The following GREB1L variants were observed in gnomAD, a reference collection of about 807,000 sequenced individuals.
GREB1L encodes the protein GREB1 like retinoic acid receptor coactivator.
In GREB1L, 17 loss-of-function variants were observed where a neutral mutation model predicts 200.8. The observed-to-expected ratio is 0.08, with a 90% CI of 0.06 to 0.13. The LOEUF is 0.13. Among genes scored for constraint, GREB1L ranks in the 10% least tolerant of loss-of-function variants. The pLI is 1.00. For synonymous variants in GREB1L, 789 were observed against 893.0 expected (o/e 0.88, Z 2.08); for missense variants, 1,657 against 2,367.7 (o/e 0.70, Z 6.23).
intron 1 of GREB1L, among the ~76,000 whole-genome samples, chr18:21,269,823 TAGTC>T (rs1471622566): frequency 2.0e-5 from 3 of 152,218 alleles, no homozygotes; most frequent in Non-Finnish European, 4.4e-5. Context: ...ATCAATTAAT[TAGTC>T]AGCATACTTG....
intron 32 of GREB1L, among the ~76,000 whole-genome samples, chr18:21,521,166 C>T (rs1291879645): frequency 1.3e-5 from 2 of 151,918 alleles, no homozygotes; most frequent in African/African-American, 4.8e-5. Flanking sequence ...CACTGCACTC[C>T]AGCCTGGGCA....
At chr18:21,384,716 G>A (rs2144084760) in intron 4 of GREB1L, among the ~76,000 whole-genome samples, 1 of 152,156 alleles carries the variant, frequency 6.6e-6, no homozygotes, top group South Asian at 2.1e-4. Context: ...AGTATTCCAA[G>A]TACTTTCTGC....
Position 21,520,805 on chromosome 18 carries a change from A to C in GREB1L, c.5590A>C (p.Lys1864Gln), listed in dbSNP as rs1281780486. 2 of 1,540,690 alleles carry C rather than the reference A, an allele frequency of 1.3e-6. No individual in the cohort carries two copies. The highest frequency in any genetic ancestry group is 1.8e-6 in the Non-Finnish European group (2 of 1,142,378). ...CTCTTTTGTAGGTGCTGATCTTAAG[A>C]AATTTAAATTTCTAAAAGGTAAGTC... ...CDSFVGADLK[K>Q]FKFLKGATLC... Residue 1864 changes from lysine to glutamine, a missense_variant, in exon 32 of 33, where the codon AAA becomes CAA. Lys to Gln is a moderately conservative substitution (Grantham distance 53). Coordinates refer to ENST00000424526, the MANE Select transcript of GREB1L (RefSeq NM_001142966.3).
intron 1 of GREB1L, among the ~76,000 whole-genome samples, chr18:21,358,354 A>AGAGTG: frequency 6.6e-6 from 1 of 152,242 alleles, no homozygotes; most frequent in Non-Finnish European, 1.5e-5. Flanking sequence ...CACCCAGGCT[A>AGAGTG]GAGTGGAGTG....
Position 21,311,082 on chromosome 18 carries a change from T to A in GREB1L, c.-119-54945T>A, listed in dbSNP as rs181253674. Among the ~76,000 whole-genome samples the A allele has an allele frequency of 3.3e-5, 5 of 152,296 alleles. No individual in the cohort carries two copies. In the East Asian group the frequency reaches 9.6e-4, roughly 29 times the overall value. On this transcript the variant is annotated intron_variant, in intron 1 of 32. Transcript: ENST00000424526. ...CAGGAGTGATGGAGGGTGAGGAAGTTGAGATAAACTACTTTAACACTTGGT... is the reference window on the plus strand; with the variant it reads ...CAGGAGTGATGGAGGGTGAGGAAGTAGAGATAAACTACTTTAACACTTGGT...
rs539003983 is a variant in GREB1L, at chr18:21,315,481, A to G, written c.-119-50546A>G. Among the ~76,000 whole-genome samples the G allele has an allele frequency of 2.5e-4, 38 of 152,338 alleles. 3 individuals are homozygous for G. In the South Asian group the frequency reaches 7.0e-3, roughly 28 times the overall value. On this transcript the variant is annotated intron_variant, in intron 1 of 32. Transcript: ENST00000424526. The stretch of plus-strand genomic sequence containing the variant: ...TGTCATAAGAAATAATCAGCAATAA[A>G]GGCAAATATTTATGTACAGATGTTC...
chr18:21,328,047 TAG>T (rs1567938538), intron 1 of GREB1L, among the ~76,000 whole-genome samples: 1 of 152,176 alleles, frequency 6.6e-6, no homozygotes, highest in Non-Finnish European at 1.5e-5. Context: ...CTCCACTCTC[TAG>T]CCTAACTTCA....
At chr18:21,261,107 A>G (rs567390823) in intron 1 of GREB1L, among the ~76,000 whole-genome samples, 2 of 152,136 alleles carry the variant, frequency 1.3e-5, no homozygotes, top group Admixed American at 1.3e-4. Flanking sequence ...GCTTGCTAAC[A>G]TTAGCAGAAA....
At chr18:21,312,710 T>C (rs1457692421) in intron 1 of GREB1L, among the ~76,000 whole-genome samples, 3 of 152,036 alleles carry the variant, frequency 2.0e-5, no homozygotes, top group Non-Finnish European at 2.9e-5. Context: ...CATGCCACCA[T>C]GCCCAACTAA....
intron 1 of GREB1L, among the ~76,000 whole-genome samples, chr18:21,338,805 C>G (rs1485368216): frequency 2.0e-5 from 3 of 152,214 alleles, no homozygotes; most frequent in Non-Finnish European, 4.4e-5. Context: ...CAAAGACTTT[C>G]CCAAGGCAGA....
intron 1 of GREB1L, among the ~76,000 whole-genome samples, chr18:21,273,723 G>A (rs1448637187): frequency 1.3e-5 from 2 of 152,136 alleles, no homozygotes; most frequent in Non-Finnish European, 2.9e-5. Flanking sequence ...ATGGAGAGTA[G>A]GGGAGAGAGC....
At chr18:21,471,739 GC>G (rs2035493407) in intron 15 of GREB1L, among the ~76,000 whole-genome samples, 1 of 151,396 alleles carries the variant, frequency 6.6e-6, no homozygotes, top group African/African-American at 2.4e-5. Context: ...CTCCTCCTCA[GC>G]CTTCTGAGTA....
chr18:21,365,636 C>T (rs953131051), intron 1 of GREB1L, among the ~76,000 whole-genome samples: 1 of 152,030 alleles, frequency 6.6e-6, no homozygotes, highest in East Asian at 1.9e-4. Flanking sequence ...GATTATTACT[C>T]CTAAATTCCT....
At chr18:21,423,892 A>T (rs1413103474) in intron 7 of GREB1L, among the ~76,000 whole-genome samples, 1 of 152,138 alleles carries the variant, frequency 6.6e-6, no homozygotes, top group African/African-American at 2.4e-5. Flanking sequence ...GGAGGCTGGG[A>T]CATTTATTCT....
chr18:21,395,279 C>A lies in GREB1L; in HGVS notation c.356-106C>A. 3.4e-6 allele frequency: 3 copies of A among 887,914 alleles called. No homozygotes were observed. The Admixed American group carries it at 7.4e-5, about 22-fold the overall frequency. 55.0% of individuals were successfully genotyped at this position (887,914 alleles called of 1,614,324 possible). A position where few individuals can be genotyped will look rare whatever the true frequency, so the allele number is the denominator to read the frequency against. On this transcript the variant is annotated intron_variant, in intron 4 of 32. Transcript: ENST00000424526. ...AGGGGTATAGGGACTTTAATTTAGT[C>A]TGTAATAGTGATTCTCAAAAATAAA...
intron 2 of GREB1L, among the ~76,000 whole-genome samples, chr18:21,374,911 G>A (rs925688126): frequency 8.2e-5 from 12 of 146,934 alleles, no homozygotes; most frequent in Non-Finnish European, 1.8e-4. Context: ...GGAGTGCAGT[G>A]GCATGATCAT....
At chr18:21,249,673 G>A (rs2037668157) in intron 1 of GREB1L, among the ~76,000 whole-genome samples, 1 of 151,790 alleles carries the variant, frequency 6.6e-6, no homozygotes, top group Admixed American at 6.6e-5. Flanking sequence ...TGGCCAACAT[G>A]GTGAAACCCT....
chr18:21,347,757 C>T (rs1345179478), intron 1 of GREB1L, among the ~76,000 whole-genome samples: 2 of 148,058 alleles, frequency 1.4e-5, no homozygotes, highest in African/African-American at 5.0e-5. Context: ...GCCCAGCCCC[C>T]CGACCTTTTT....
chr18:21,303,295 A>G (rs746926740), intron 1 of GREB1L, among the ~76,000 whole-genome samples: 3 of 152,218 alleles, frequency 2.0e-5, no homozygotes, highest in African/African-American at 4.8e-5. Flanking sequence ...AGTTACTGTC[A>G]TCTGTTAGAC....
Sources: gnomAD v4.1 joint callset for allele counts (sites outside exome capture counted in the v4.1 genomes callset) on GRCh38, gnomAD v4.1.1 for gene constraint, MANE v1.5 for transcripts, NCBI Gene and HGNC (gene_info 2026-07-23, HGNC 2026-07-21) for gene names.